Variants in SLC38A8 observed in about 807,000 individuals in gnomAD.
The protein encoded by SLC38A8 is amino acid transporter SLC38A8.
Under a neutral mutation model 46.0 loss-of-function variants are expected in SLC38A8, and 65 were observed. That is an observed-to-expected ratio of 1.41 (90% CI 1.16 to 1.74). The LOEUF (loss-of-function observed/expected upper bound fraction) is 1.74. Ranked by LOEUF, SLC38A8 falls within the 40% of genes most tolerant of loss-of-function variation. The pLI is 0.00. For synonymous variants in SLC38A8, 447 were observed against 243.7 expected, an observed-to-expected ratio of 1.83 and a Z score of -7.77; for missense variants, 998 against 567.9, an observed-to-expected ratio of 1.76 and a Z score of -7.70.
chr16:84,026,199 T>A (rs77675267), intron 6 of SLC38A8, among the ~76,000 whole-genome samples: 11,141 of 152,244 alleles, frequency 0.073, 626 homozygotes, highest in East Asian at 0.19. Flanking sequence ...CTTTTCTCCC[T>A]GTTTGACTCC....
At chr16:84,013,126 C>T in intron 9 of SLC38A8, 74 bp from the exon 10 acceptor site, 3 of 1,572,918 alleles carry the variant, frequency 1.9e-6, no homozygotes, top group Non-Finnish European at 2.6e-6. Context: ...CGGGAGAGGT[C>T]CTCAGGGACC....
intron 2 of SLC38A8, among the ~76,000 whole-genome samples, chr16:84,039,249 G>A (rs907144884): frequency 2.6e-5 from 4 of 152,166 alleles, no homozygotes; most frequent in African/African-American, 9.7e-5. Context: ...TACATTTCCA[G>A]TGTTTTAAGC....
chr16:84,028,778 C>T (rs1185596553), intron 6 of SLC38A8, among the ~76,000 whole-genome samples: 4 of 150,156 alleles, frequency 2.7e-5, no homozygotes, highest in Non-Finnish European at 4.4e-5. Context: ...CCGCTCACAT[C>T]GGTGACCCAC....
intron 9 of SLC38A8, among the ~76,000 whole-genome samples, chr16:84,014,735 G>A (rs536672461): frequency 5.3e-5 from 8 of 152,174 alleles, no homozygotes; most frequent in Non-Finnish European, 7.3e-5. Context: ...GGGCAGGTAC[G>A]GTTAGATTCT....
intron 10 of SLC38A8, among the ~76,000 whole-genome samples, chr16:84,012,443 A>C (rs907952694): frequency 6.6e-6 from 1 of 152,236 alleles, no homozygotes; most frequent in African/African-American, 2.4e-5. Context: ...CAGGTGGGTT[A>C]GCATGGGGCC....
chr16:84,024,202 G>C (rs985155966), intron 6 of SLC38A8, among the ~76,000 whole-genome samples: 1 of 152,220 alleles, frequency 6.6e-6, no homozygotes, highest in Non-Finnish European at 1.5e-5. Flanking sequence ...TGTGGTGCTA[G>C]AAGGCAGGAT....
Position 84,034,551 on chromosome 16 carries a change from G to C in SLC38A8, c.389-1082C>G, listed in dbSNP as rs563886329. Among the ~76,000 whole-genome samples, 5 of 152,304 alleles carry C rather than the reference G, an allele frequency of 3.3e-5. No homozygotes were observed. The East Asian group carries it at 5.8e-4, about 18-fold the overall frequency. Reference sequence around the variant, plus strand: ...GGAGATGGGAGGCCGAGGAGCTTGAGATGTCTTCGCTCCTTCGGTGGGTTG... The same window carrying C: ...GGAGATGGGAGGCCGAGGAGCTTGACATGTCTTCGCTCCTTCGGTGGGTTG... On this transcript the variant is annotated intron_variant, in intron 3 of 10. Coordinates refer to ENST00000299709, the MANE Select transcript of SLC38A8 (RefSeq NM_001080442.3).
At chr16:84,011,620 G>T (rs1047132398) in intron 10 of SLC38A8, among the ~76,000 whole-genome samples, 1 of 152,260 alleles carries the variant, frequency 6.6e-6, no homozygotes, top group African/African-American at 2.4e-5. Context: ...GTGCTTGCCA[G>T]CTTATCTGGA....
intron 3 of SLC38A8, among the ~76,000 whole-genome samples, chr16:84,034,682 G>A (rs939317941): frequency 2.2e-4 from 34 of 152,202 alleles, no homozygotes; most frequent in African/African-American, 8.2e-4. Context: ...AAATGATGAA[G>A]GGGAAAGTTC....
Position 84,009,780 on chromosome 16 carries a change from C to A in SLC38A8, c.*4G>T. The A allele has an allele frequency of 3.7e-6, 6 of 1,613,028 alleles. No homozygotes were observed. Among genetic ancestry groups the A allele is most frequent in the Non-Finnish European group, 5.1e-6 (6 of 1,179,456 alleles). ...GCCCCTTCCTGCCCGGCACTAGCTGCCCATCAGAACATCTCCCAGACCGCT... is the reference window on the plus strand; with the variant it reads ...GCCCCTTCCTGCCCGGCACTAGCTGACCATCAGAACATCTCCCAGACCGCT... On this transcript the variant is annotated 3_prime_UTR_variant, in exon 11 of 11. Coordinates refer to ENST00000299709, the MANE Select transcript of SLC38A8 (RefSeq NM_001080442.3).
intron 9 of SLC38A8, among the ~76,000 whole-genome samples, chr16:84,013,424 G>GTGTTT (rs1453015807): frequency 6.2e-5 from 4 of 64,050 alleles, no homozygotes; most frequent in African/African-American, 2.4e-4. Context: ...TTGTGTGTGT[G>GTGTTT]TTTTTTTTTT....
At position 84,027,281 on chromosome 16, in the gene SLC38A8, C is replaced by T. The variant is rs140251647; in HGVS notation, c.690+2213G>A. Among the ~76,000 whole-genome samples, 470 of 152,262 alleles carry T rather than the reference C, an allele frequency of 3.1e-3. 1 individual carries two copies. Among genetic ancestry groups the T allele is most frequent in the African/African-American group, 0.01 (417 of 41,526 alleles). ...AGGAGAATCGCTTGAACCCAGGAGGCGGAGGCTGCAGTGAGCCAAGATCAC... is the reference window on the plus strand; with the variant it reads ...AGGAGAATCGCTTGAACCCAGGAGGTGGAGGCTGCAGTGAGCCAAGATCAC... On this transcript the variant is annotated intron_variant, in intron 6 of 10. Coordinates refer to ENST00000299709, the MANE Select transcript of SLC38A8 (RefSeq NM_001080442.3).
At chr16:84,015,066 G>C (rs930445594) in intron 9 of SLC38A8, among the ~76,000 whole-genome samples, 1 of 152,084 alleles carries the variant, frequency 6.6e-6, no homozygotes, top group Non-Finnish European at 1.5e-5. Context: ...AGGGTGTTGG[G>C]GATACCTGGC....
intron 5 of SLC38A8, among the ~76,000 whole-genome samples, 154 bp downstream of exon 5, chr16:84,031,713 T>C (rs532730050): frequency 5.3e-5 from 8 of 152,330 alleles, no homozygotes; most frequent in Admixed American, 2.0e-4. Flanking sequence ...TGGCCCTCCC[T>C]TGCCTTCACC....
intron 6 of SLC38A8, among the ~76,000 whole-genome samples, chr16:84,027,205 C>G (rs1442980638): frequency 6.6e-6 from 1 of 152,132 alleles, no homozygotes; most frequent in South Asian, 2.1e-4. Context: ...CAAAAATTAG[C>G]TGGACGTGGT....
intron 6 of SLC38A8, among the ~76,000 whole-genome samples, chr16:84,026,796 G>A (rs984762609): frequency 1.3e-5 from 2 of 152,122 alleles, no homozygotes; most frequent in African/African-American, 2.4e-5. Context: ...TGTCTTAAAA[G>A]GCCACAATAG....
chr16:84,026,785 C>G (rs1198039431), intron 6 of SLC38A8, among the ~76,000 whole-genome samples: 1 of 152,206 alleles, frequency 6.6e-6, no homozygotes, highest in African/African-American at 2.4e-5. Context: ...GGAGGGAAGC[C>G]TGTCTTAAAA....
intron 3 of SLC38A8, 103 bp from the exon 4 acceptor site, chr16:84,033,572 C>A: frequency 7.5e-7 from 1 of 1,338,760 alleles, no homozygotes; most frequent in Non-Finnish European, 1.0e-6. Context: ...CATCCACCCT[C>A]AGCCAGCCCC....
chr16:84,025,823 C>G (rs1446947566), intron 6 of SLC38A8, among the ~76,000 whole-genome samples: 1 of 152,250 alleles, frequency 6.6e-6, no homozygotes, highest in Non-Finnish European at 1.5e-5. Flanking sequence ...ACAGCCCTTC[C>G]GCTGGCGCGT....
Sources: gnomAD v4.1 joint callset for allele counts (sites outside exome capture counted in the v4.1 genomes callset) on GRCh38, gnomAD v4.1.1 for gene constraint, MANE v1.5 for transcripts, NCBI Gene and HGNC (gene_info 2026-07-23, HGNC 2026-07-21) for gene names.